Variants in CNTN5 observed in about 807,000 individuals in gnomAD.
CNTN5 encodes contactin 5.
In CNTN5, 77 loss-of-function variants were observed where a neutral mutation model predicts 129.1. That is an observed-to-expected ratio of 0.60 (90% CI 0.50 to 0.72). CNTN5 has a LOEUF of 0.72. Among genes scored for constraint, CNTN5 ranks in the 30% least tolerant of loss-of-function variants. CNTN5 has a pLI of 0.00. For missense variants in CNTN5, 1,478 were observed against 1,328.8 expected (o/e 1.11, Z -1.75); for synonymous variants, 509 against 465.6 (o/e 1.09, Z -1.20).
chr11:100,266,886 A>G (rs1343318969), intron 17 of CNTN5, among the ~76,000 whole-genome samples: 1 of 152,176 alleles, frequency 6.6e-6, no homozygotes, highest in Non-Finnish European at 1.5e-5. Context: ...ATAAAAGTTT[A>G]CCAAGCGCCT....
chr11:99,182,604 T>A (rs1328912314), intron 1 of CNTN5, among the ~76,000 whole-genome samples: 1 of 151,964 alleles, frequency 6.6e-6, no homozygotes, highest in African/African-American at 2.4e-5. Flanking sequence ...ATGTCTAGAG[T>A]CCCTCCATCC....
At chr11:99,121,572 A>T (rs899604973) in intron 1 of CNTN5, among the ~76,000 whole-genome samples, 3 of 134,948 alleles carry the variant, frequency 2.2e-5, no homozygotes, top group African/African-American at 8.5e-5. Flanking sequence ...AAGTTTTCTT[A>T]AAAAAGAGAG....
intron 6 of CNTN5, among the ~76,000 whole-genome samples, chr11:99,862,600 A>G (rs1948242278): frequency 6.6e-6 from 1 of 151,964 alleles, no homozygotes; most frequent in African/African-American, 2.4e-5. Context: ...ATTCAATTAA[A>G]ATATATTTTT....
intron 2 of CNTN5, among the ~76,000 whole-genome samples, chr11:99,435,568 G>T (rs540883659): frequency 6.6e-6 from 1 of 152,196 alleles, no homozygotes; most frequent in East Asian, 1.9e-4. Flanking sequence ...CTACTTAACA[G>T]CAAATGGGGC....
At chr11:100,307,795 G>C (rs1265508671) in intron 20 of CNTN5, among the ~76,000 whole-genome samples, 1 of 151,206 alleles carries the variant, frequency 6.6e-6, no homozygotes, top group Non-Finnish European at 1.5e-5. Flanking sequence ...ATAATAATAT[G>C]GTATTTTGTG....
At chr11:99,939,014 G>A (rs576714149) in intron 7 of CNTN5, among the ~76,000 whole-genome samples, 1 of 152,068 alleles carries the variant, frequency 6.6e-6, no homozygotes, top group Admixed American at 6.5e-5. Context: ...AACTTGTATA[G>A]GTTTGCCCAC....
intron 3 of CNTN5, among the ~76,000 whole-genome samples, chr11:99,580,292 T>C (rs1177919125): frequency 1.3e-5 from 2 of 152,118 alleles, no homozygotes; most frequent in Admixed American, 6.6e-5. Flanking sequence ...TAAAATTCTC[T>C]TTTTTTGTTG....
intron 6 of CNTN5, among the ~76,000 whole-genome samples, chr11:99,878,640 G>A (rs1948693729): frequency 6.6e-6 from 1 of 152,086 alleles, no homozygotes; most frequent in Non-Finnish European, 1.5e-5. Context: ...GGCGGATCAC[G>A]AGGTCAAGAG....
At chr11:99,859,403 G>A (rs1395624844) in intron 6 of CNTN5, among the ~76,000 whole-genome samples, 1 of 152,110 alleles carries the variant, frequency 6.6e-6, no homozygotes, top group African/African-American at 2.4e-5. Context: ...GTGCAGGTTT[G>A]TTACCTGGGT....
intron 1 of CNTN5, among the ~76,000 whole-genome samples, chr11:99,046,011 A>C (rs978874475): frequency 6.6e-6 from 1 of 152,114 alleles, no homozygotes; most frequent in Non-Finnish European, 1.5e-5. Flanking sequence ...CCAGGTAAAT[A>C]ACTCTGTGTA....
intron 15 of CNTN5, among the ~76,000 whole-genome samples, chr11:100,210,946 T>C (rs1459629839): frequency 6.6e-6 from 1 of 152,186 alleles, no homozygotes; most frequent in Non-Finnish European, 1.5e-5. Context: ...TGAAGTAATA[T>C]AACTATTTCT....
At chr11:100,159,226 T>C (rs1947358017) in intron 13 of CNTN5, among the ~76,000 whole-genome samples, 1 of 151,752 alleles carries the variant, frequency 6.6e-6, no homozygotes, top group Non-Finnish European at 1.5e-5. Context: ...TAAAATGGTG[T>C]GTAGGGTTGT....
At position 99,379,642 on chromosome 11, in the gene CNTN5, C is replaced by T. The variant is rs1388083572; in HGVS notation, c.-71+54158C>T. On this transcript the variant is annotated intron_variant, in intron 2 of 24. Transcript: ENST00000524871. The stretch of plus-strand genomic sequence containing the variant: ...GAAGAGAATCATCTTGCCTCAAAAA[C>T]ATGTGGAAAGGTAGAAAAAAATATG... 2.0e-5 allele frequency among the ~76,000 whole-genome samples: 3 copies of T among 152,056 alleles called. No homozygotes were observed. The East Asian group carries it at 5.8e-4, about 29-fold the overall frequency.
At chr11:99,889,308 GT>G in intron 6 of CNTN5, among the ~76,000 whole-genome samples, 4 of 111,220 alleles carry the variant, frequency 3.6e-5, no homozygotes, top group African/African-American at 1.1e-4. Context: ...GTGTGTGTGT[GT>G]GTGTGTGTGT....
intron 2 of CNTN5, among the ~76,000 whole-genome samples, chr11:99,328,870 C>CAAAAAAAAAAAAAA (rs10542347): frequency 2.3e-5 from 2 of 87,650 alleles, no homozygotes; most frequent in Non-Finnish European, 4.3e-5. Context: ...AACTCCATCT[C>CAAAAAAAAAAAAAA]AAAAAAAAAA....
rs189948246 is a variant in CNTN5 at position 99,231,392 on chromosome 11, A to G, written c.-209-93954A>G. ...TCTGGGTTTGATTTGCATTTCTCTAATGATCAGTGATGTTGAGCATTTTTT... is the reference window on the plus strand; with the variant it reads ...TCTGGGTTTGATTTGCATTTCTCTAGTGATCAGTGATGTTGAGCATTTTTT... On this transcript the variant is annotated intron_variant, in intron 1 of 24. Transcript: ENST00000524871. 5.8e-4 allele frequency among the ~76,000 whole-genome samples: 88 copies of G among 152,294 alleles called. 1 individual carries two copies. Among genetic ancestry groups the G allele is most frequent in the African/African-American group, 2.0e-3 (84 of 41,564 alleles).
chr11:99,999,072 A>C (rs6590500), intron 8 of CNTN5, among the ~76,000 whole-genome samples: 1 of 151,408 alleles, frequency 6.6e-6, no homozygotes, highest in South Asian at 2.1e-4. Flanking sequence ...AACCTAGGCA[A>C]TACCATTCAG....
At chr11:99,542,002 G>T (rs1055686400) in intron 2 of CNTN5, among the ~76,000 whole-genome samples, 2 of 150,594 alleles carry the variant, frequency 1.3e-5, no homozygotes. Flanking sequence ...AAGAAATGTG[G>T]GGACAAATAT....
chr11:99,945,405 CTA>C (rs1289937925), intron 7 of CNTN5, among the ~76,000 whole-genome samples: 1 of 151,458 alleles, frequency 6.6e-6, no homozygotes, highest in African/African-American at 2.4e-5. Flanking sequence ...AGGTAAGAGG[CTA>C]TGTTTTATGA....
Sources: gnomAD v4.1 joint callset for allele counts (sites outside exome capture counted in the v4.1 genomes callset) on GRCh38, gnomAD v4.1.1 for gene constraint, MANE v1.5 for transcripts, NCBI Gene and HGNC (gene_info 2026-07-23, HGNC 2026-07-21) for gene names.